ART3: variants seen among roughly 807,000 people sequenced by gnomAD.
ART3 encodes ADP-ribosyltransferase 3 (inactive).
ART3 carries 49 observed loss-of-function variants against 48.5 expected under a neutral mutation model. The ratio of observed to expected loss-of-function variants is 1.01; its 90% CI spans 0.80 to 1.28. The LOEUF (loss-of-function observed/expected upper bound fraction) is 1.28. Ranked by LOEUF, ART3 falls within the 50% of genes most tolerant of loss-of-function variation. The pLI, the probability that ART3 is intolerant of heterozygous loss-of-function variation, is 0.00. For synonymous variants in ART3, 145 were observed against 157.2 expected (o/e 0.92, Z 0.58); for missense variants, 438 against 454.3 (o/e 0.96, Z 0.33).
intron 1 of ART3, among the ~76,000 whole-genome samples, chr4:76,042,637 TC>T (rs1164281694): frequency 2.0e-5 from 3 of 152,140 alleles, no homozygotes; most frequent in Admixed American, 2.0e-4. Context: ...TGGAGTTTGT[TC>T]CTTCTGATGT....
At chr4:76,024,426 A>G (rs377427521) in intron 1 of ART3, among the ~76,000 whole-genome samples, 10 of 152,206 alleles carry the variant, frequency 6.6e-5, no homozygotes, top group African/African-American at 2.4e-4. Context: ...AGTGTTGGCC[A>G]TTGAGCTAGT....
At chr4:76,038,933 A>G (rs1263552247) in intron 1 of ART3, among the ~76,000 whole-genome samples, 1 of 151,094 alleles carries the variant, frequency 6.6e-6, no homozygotes, top group Non-Finnish European at 1.5e-5. Flanking sequence ...ATGTTGGCCA[A>G]GCTGGTCTTG....
chr4:76,082,193 C>T lies in ART3; in HGVS notation c.439C>T (p.Gln147Ter), dbSNP rs1320105009. 2 of 1,614,172 alleles carry T rather than the reference C, an allele frequency of 1.2e-6. No individual in the cohort carries two copies. Among genetic ancestry groups the T allele is most frequent in the Non-Finnish European group, 1.7e-6 (2 of 1,180,038 alleles). ...CCACTTTTACCTCACAAGAGCCCTG[C>T]AGTTGCTGAGAAAACCTTGTGAGGC... ...AFHFYLTRAL[Q>*]LLRKPCEASS... is the part of the protein sequence containing the mutation. Residue 147 changes from glutamine (Q) to a stop codon, truncating the protein, a stop_gained, in exon 3 of 12, where the codon CAG (glutamine) becomes TAG (stop). Transcript: ENST00000355810. LOFTEE classifies it high-confidence loss of function.
chr4:76,078,840 G>A (rs919662821), intron 2 of ART3, among the ~76,000 whole-genome samples: 1 of 152,168 alleles, frequency 6.6e-6, no homozygotes, highest in Admixed American at 6.5e-5. Context: ...CAGCACTTTG[G>A]GAGGCCGAGA....
At chr4:76,090,773 C>T (rs1191799147) in intron 3 of ART3, among the ~76,000 whole-genome samples, 1 of 152,162 alleles carries the variant, frequency 6.6e-6, no homozygotes, top group African/African-American at 2.4e-5. Context: ...CAATAAACTG[C>T]ACATAAAGTA....
Position 76,082,524 on chromosome 4 carries a change from C to A in ART3, c.770C>A (p.Ala257Glu). 6.3e-7 allele frequency: 1 copy of A among 1,579,056 alleles called. No individual in the cohort carries two copies. Among genetic ancestry groups the A allele is most frequent in the Non-Finnish European group, 8.6e-7 (1 of 1,162,900 alleles). ...INKTCSHYEC[A>E]FLGGLKTENC... ...AAGACCTGCAGCCATTATGAGTGTGCATTTCTAGGTGGTAAGTGTCTGCTC... is the reference window on the plus strand; with the variant it reads ...AAGACCTGCAGCCATTATGAGTGTGAATTTCTAGGTGGTAAGTGTCTGCTC... The change falls in exon 3 of 12, where the codon GCA (alanine) becomes GAA (glutamate). Residue 257 changes from alanine (A) to glutamate (E), a missense_variant. Ala to Glu is a moderately radical substitution (Grantham distance 107). Around this residue, in one of 3 missense-constraint regions of ART3, gnomAD observed 227 missense variants for 229.6 expected, o/e 0.99. Transcript: ENST00000355810.
At chr4:76,098,050 T>TG (rs1487284508) in intron 4 of ART3, among the ~76,000 whole-genome samples, 1 of 152,216 alleles carries the variant, frequency 6.6e-6, no homozygotes, top group African/African-American at 2.4e-5. Context: ...AGCTAGCTCC[T>TG]GTTCCTGTAT....
At chr4:76,016,844 C>T (rs184851798) in intron 1 of ART3, among the ~76,000 whole-genome samples, 1 of 152,312 alleles carries the variant, frequency 6.6e-6, no homozygotes, top group East Asian at 1.9e-4. Context: ...GCCTTTTACT[C>T]ATGCCCATCA....
In ART3 at chr4:76,107,767, A is replaced by C; in HGVS notation, c.1010A>C (p.Lys337Thr). The C allele has an allele frequency of 6.9e-7, 1 of 1,457,794 alleles. No individual in the cohort carries two copies. The allele number at this position is 1,457,794 out of a possible 1,614,324, so 90.3% of individuals were successfully genotyped here. ...AAATCTCTTTATATTTTAGAAGATAAAAGTCAAGGAAATATCAACAATCCT... is the reference window on the plus strand; with the variant it reads ...AAATCTCTTTATATTTTAGAAGATACAAGTCAAGGAAATATCAACAATCCT... The part of the protein sequence containing the change: ...IPEPFPLPED[K>T]SQGNINNPTP... Residue 337 changes from lysine (K) to threonine (T), a missense_variant, in exon 11 of 12, where the codon AAA becomes ACA. Transcript: ENST00000355810.
At chr4:76,052,322 C>T (rs28455870) in intron 1 of ART3, among the ~76,000 whole-genome samples, 1 of 152,100 alleles carries the variant, frequency 6.6e-6, no homozygotes. Context: ...TGACTTCATC[C>T]TTGATATGTG....
In ART3 at chr4:76,097,638, T is replaced by C; in HGVS notation, c.782-6T>C. The C allele has an allele frequency of 6.2e-7, 1 of 1,605,030 alleles. No homozygotes were observed. On this transcript the variant is annotated splice_polypyrimidine_tract_variant and splice_region_variant and intron_variant, in intron 3 of 11. Transcript: ENST00000355810. ...TAACTAATAAAGCTTTATCTTTGTGTTTCAGGACTAAAAACCGAAAACTGT... is the reference window on the plus strand; with the variant it reads ...TAACTAATAAAGCTTTATCTTTGTGCTTCAGGACTAAAAACCGAAAACTGT...
chr4:76,090,708 T>A (rs937014099), intron 3 of ART3, among the ~76,000 whole-genome samples: 1 of 152,164 alleles, frequency 6.6e-6, no homozygotes, highest in Non-Finnish European at 1.5e-5. Flanking sequence ...GTTCATCCCA[T>A]CCTCATAATT....
intron 1 of ART3, chr4:76,058,175 T>C (rs1176175385): frequency 3.9e-5 from 6 of 152,208 alleles, no homozygotes; most frequent in Middle Eastern, 3.2e-3. Context: ...CTGCAGTTGC[T>C]CTCATGAGTA....
chr4:76,040,060 C>G (rs1734796381), intron 1 of ART3, among the ~76,000 whole-genome samples: 5 of 152,186 alleles, frequency 3.3e-5, no homozygotes. Flanking sequence ...CATGGTGGCT[C>G]ATGCCTGTAA....
At chr4:76,015,886 C>T (rs1311150645) in intron 1 of ART3, among the ~76,000 whole-genome samples, 1 of 152,214 alleles carries the variant, frequency 6.6e-6, no homozygotes, top group Non-Finnish European at 1.5e-5. Context: ...GCCTTGGCCT[C>T]CTAGAGTGCT....
chr4:76,071,965 G>A (rs1720361196), upstream of ART3, among the ~76,000 whole-genome samples: 1 of 152,140 alleles, frequency 6.6e-6, no homozygotes, highest in Non-Finnish European at 1.5e-5. Flanking sequence ...TGACCAGGCT[G>A]GGGTGCAGTG....
At chr4:76,103,525 G>A (rs528353011) in intron 8 of ART3, among the ~76,000 whole-genome samples, 1 of 152,162 alleles carries the variant, frequency 6.6e-6, no homozygotes, top group East Asian at 1.9e-4. Context: ...AAACCTAAGA[G>A]GTAAATATTT....
intron 1 of ART3, among the ~76,000 whole-genome samples, chr4:76,038,699 A>G (rs1734667885): frequency 4.7e-5 from 1 of 21,412 alleles, no homozygotes; most frequent in South Asian, 1.1e-3. Context: ...ACCCTTGATT[A>G]TTTATTTATT....
intron 1 of ART3, among the ~76,000 whole-genome samples, chr4:76,029,457 T>C (rs1049462749): frequency 1.3e-5 from 2 of 152,232 alleles, no homozygotes; most frequent in East Asian, 1.9e-4. Flanking sequence ...TTCAGTGTTA[T>C]GTGATAATCT....
Sources: gnomAD v4.1 joint callset for allele counts (sites outside exome capture counted in the v4.1 genomes callset) on GRCh38, gnomAD v4.1.1 for gene constraint, gnomAD v4.1.1 regional missense constraint, MANE v1.5 for transcripts, NCBI Gene and HGNC (gene_info 2026-07-23, HGNC 2026-07-21) for gene names.